LRRK2: variants seen among roughly 807,000 people sequenced by gnomAD.
LRRK2 encodes leucine-rich repeat serine/threonine-protein kinase 2.
LRRK2 carries 203 observed loss-of-function variants against 302.6 expected under a neutral mutation model. The ratio of observed to expected loss-of-function variants is 0.67; its 90% CI spans 0.60 to 0.75. The LOEUF (loss-of-function observed/expected upper bound fraction) is 0.75. Among genes scored for constraint, LRRK2 ranks in the 30% least tolerant of loss-of-function variants. LRRK2 has a pLI of 0.00. For synonymous variants in LRRK2, 1,066 were observed against 1,031.9 expected (o/e 1.03, Z -0.63); for missense variants, 2,830 against 2,951.0 (o/e 0.96, Z 0.95).
At chr12:40,302,724 T>C (rs1436037349) in intron 25 of LRRK2, 65 bp from the exon 26 acceptor site, 1 of 1,140,138 alleles carries the variant, frequency 8.8e-7, no homozygotes, top group African/African-American at 1.5e-5. Context: ...GCTGTTCTTA[T>C]TTTTGAATTT....
intron 12 of LRRK2, 70 bp downstream of exon 12, chr12:40,257,447 A>C: frequency 6.5e-7 from 1 of 1,540,636 alleles, no homozygotes; most frequent in Non-Finnish European, 8.9e-7. Flanking sequence ...TATTTCAAGC[A>C]TATTTCTAAC....
At chr12:40,303,845 A>C in intron 26 of LRRK2, 103 bp from the exon 27 acceptor site, 1 of 1,082,398 alleles carries the variant, frequency 9.2e-7, no homozygotes, top group Non-Finnish European at 1.4e-6. Context: ...GCTAGTTTTG[A>C]CGTTACACTT....
rs201177073 is a variant in LRRK2, at chr12:40,308,507, C to T, written c.4000C>T (p.Arg1334Ter). Reference protein sequence around the residue: ...QRLKKAVPYNRMKLMIVGNTG... With the variant: ...QRLKKAVPYN ...ATTAAAAAAGGCTGTGCCTTATAACCGAATGAAACTTATGATTGTGGGAAA... is the reference window on the plus strand; with the variant it reads ...ATTAAAAAAGGCTGTGCCTTATAACTGAATGAAACTTATGATTGTGGGAAA... Residue 1334 changes from arginine (R) to a stop codon, truncating the protein, a stop_gained, in exon 29 of 51, where the codon CGA (arginine) becomes TGA (stop). Transcript: ENST00000298910. LOFTEE classifies it high-confidence loss of function. 1.2e-5 allele frequency: 20 copies of T among 1,613,816 alleles called. No individual in the cohort carries two copies. Among genetic ancestry groups the T allele is most frequent in the Non-Finnish European group, 1.5e-5 (18 of 1,179,908 alleles).
intron 39 of LRRK2, among the ~76,000 whole-genome samples, chr12:40,330,601 C>A (rs1318966912): frequency 6.6e-6 from 1 of 152,082 alleles, no homozygotes; most frequent in African/African-American, 2.4e-5. Flanking sequence ...TCCTCCCTAA[C>A]ATTTATTAAT....
intron 6 of LRRK2, among the ~76,000 whole-genome samples, chr12:40,241,338 G>A (rs566628282): frequency 3.8e-4 from 58 of 152,298 alleles, no homozygotes; most frequent in African/African-American, 1.3e-3. Flanking sequence ...CTCTTGATTA[G>A]CATTTTAATG....
rs200306641 is a variant in LRRK2, at chr12:40,232,399, A to G, written c.347+16A>G. 3.5e-5 allele frequency: 55 copies of G among 1,576,464 alleles called. No individual in the cohort carries two copies. The highest frequency in any genetic ancestry group is 1.2e-4 in the African/African-American group (9 of 74,118). On this transcript the variant is annotated intron_variant, in intron 3 of 50. Transcript: ENST00000298910. ...GTGTTCACCAGTAAGTATGATAGAT[A>G]TGTAAAACAAATGGCCTTGAGTATT...
intron 26 of LRRK2, among the ~76,000 whole-genome samples, 197 bp downstream of exon 26, chr12:40,303,079 T>C (rs1344021467): frequency 6.6e-6 from 1 of 152,148 alleles, no homozygotes; most frequent in Non-Finnish European, 1.5e-5. Flanking sequence ...ATTTATTTAG[T>C]GGATCATTGT....
intron 34 of LRRK2, 58 bp downstream of exon 34, chr12:40,320,233 A>G: frequency 7.2e-7 from 1 of 1,392,308 alleles, no homozygotes; most frequent in Non-Finnish European, 1.0e-6. Flanking sequence ...TATTCTTTTA[A>G]TTGTCAAACT....
intron 14 of LRRK2, among the ~76,000 whole-genome samples, chr12:40,264,988 T>G (rs1942946984): frequency 1.3e-5 from 2 of 152,194 alleles, no homozygotes; most frequent in Admixed American, 1.3e-4. Flanking sequence ...TTAATGGAAA[T>G]GATTCCATGT....
In LRRK2 at chr12:40,368,864, AGGAGTATCAGG is replaced by A. The variant is rs1386947511; in HGVS notation, c.*1101_*1111del. 3.3e-5 allele frequency: 5 copies of A among 151,858 alleles called. No individual in the cohort carries two copies. The highest frequency in any genetic ancestry group is 1.2e-4 in the African/African-American group (5 of 41,396). The allele number at this position is 151,858 out of a possible 1,614,324, so 9.4% of individuals were successfully genotyped here. On this transcript the variant is annotated 3_prime_UTR_variant, in exon 51 of 51. Coordinates refer to ENST00000298910, the MANE Select transcript of LRRK2 (RefSeq NM_198578.4). ...AATTGTTTACATAGCTTACCACAAT[AGGAGTATCAGG>A]GCCAAATACCTATGTAATAATTTGA...
chr12:40,333,646 TC>T (rs1426183804), intron 39 of LRRK2, among the ~76,000 whole-genome samples: 2 of 148,692 alleles, frequency 1.3e-5, no homozygotes, highest in African/African-American at 2.5e-5. Flanking sequence ...ACTAAGGCAA[TC>T]CCTCTGTCCA....
chr12:40,335,269 A>G, intron 40 of LRRK2, 112 bp downstream of exon 40: 1 of 1,178,206 alleles, frequency 8.5e-7, no homozygotes, highest in South Asian at 1.3e-5. Flanking sequence ...CAATTTATAA[A>G]CAATTTGGAT....
At chr12:40,259,415 AT>A in intron 12 of LRRK2, 64 bp from the exon 13 acceptor site, 1 of 1,602,354 alleles carries the variant, frequency 6.2e-7, no homozygotes, top group African/African-American at 1.3e-5. Context: ...ACTTATTTCA[AT>A]TTGGTGTTTA....
intron 7 of LRRK2, among the ~76,000 whole-genome samples, chr12:40,246,249 A>G (rs1258539596): frequency 6.6e-6 from 1 of 151,862 alleles, no homozygotes; most frequent in Non-Finnish European, 1.5e-5. Context: ...CTTAAAATGT[A>G]GTAAGTCTTT....
At chr12:40,266,787 T>C (rs1461813201) in intron 14 of LRRK2, among the ~76,000 whole-genome samples, 1 of 151,828 alleles carries the variant, frequency 6.6e-6, no homozygotes, top group East Asian at 1.9e-4. Context: ...ATTAAGAAAA[T>C]GTGGCACATA....
intron 19 of LRRK2, among the ~76,000 whole-genome samples, chr12:40,284,808 G>A (rs1183490234): frequency 6.6e-6 from 1 of 151,960 alleles, no homozygotes; most frequent in Non-Finnish European, 1.5e-5. Flanking sequence ...CTTCCCCATG[G>A]TCATCAAACT....
chr12:40,245,964 G>A (rs977196228), intron 7 of LRRK2, among the ~76,000 whole-genome samples: 32 of 151,652 alleles, frequency 2.1e-4, no homozygotes, highest in Admixed American at 2.0e-4. Context: ...CTTCTTACAT[G>A]AGTCAGAATT....
chr12:40,357,027 C>T (rs555899604), intron 46 of LRRK2, among the ~76,000 whole-genome samples: 1 of 152,090 alleles, frequency 6.6e-6, no homozygotes, highest in South Asian at 2.1e-4. Context: ...GAACTTATTC[C>T]TCCTATCTAA....
In LRRK2 at chr12:40,235,731, T is replaced by C; in HGVS notation, c.436+17T>C. On this transcript the variant is annotated intron_variant, in intron 4 of 50. Coordinates refer to ENST00000298910, the MANE Select transcript of LRRK2 (RefSeq NM_198578.4). ...TAACTTCAGGTAATATGTGTATATG[T>C]TTTTTGTGTTGATTCAAATTAAAAA... The C allele has an allele frequency of 1.4e-6, 2 of 1,443,502 alleles. No individual in the cohort carries two copies. Among genetic ancestry groups the C allele is most frequent in the Non-Finnish European group, 2.0e-6 (2 of 1,024,980 alleles). The allele number at this position is 1,443,502 out of a possible 1,614,324, so 89.4% of individuals were successfully genotyped here.
Sources: allele counts gnomAD v4.1 joint callset (sites outside exome capture counted in the v4.1 genomes callset), GRCh38; gene constraint gnomAD v4.1.1; transcripts MANE v1.5; gene names NCBI Gene and HGNC (gene_info 2026-07-23, HGNC 2026-07-21).